TRDN: variants seen among roughly 807,000 people sequenced by gnomAD.
TRDN encodes the protein triadin in skeletal muscle.
TRDN carries 161 observed loss-of-function variants against 149.7 expected under a neutral mutation model. The observed-to-expected ratio is 1.08, with a 90% CI of 0.95 to 1.23. TRDN has a LOEUF of 1.23. Among genes scored for constraint, TRDN ranks in the 50% most tolerant of loss-of-function variants. The pLI, the probability that TRDN is intolerant of heterozygous loss-of-function variation, is 0.00. For synonymous variants in TRDN, 294 were observed against 250.5 expected (o/e 1.17, Z -1.64); for missense variants, 896 against 823.5 (o/e 1.09, Z -1.08).
At chr6:123,305,517 C>T (rs2114678674) in intron 24 of TRDN, among the ~76,000 whole-genome samples, 1 of 152,214 alleles carries the variant, frequency 6.6e-6, no homozygotes, top group South Asian at 2.1e-4. Context: ...TAATGCTAGG[C>T]AAGTTCTAAA....
At chr6:123,420,434 T>C (rs562888085) in intron 12 of TRDN, among the ~76,000 whole-genome samples, 1 of 152,152 alleles carries the variant, frequency 6.6e-6, no homozygotes, top group South Asian at 2.1e-4. Flanking sequence ...CTCAAAACAA[T>C]TAACACAAAA....
chr6:123,225,575 G>C (rs556759848), intron 38 of TRDN, among the ~76,000 whole-genome samples: 15 of 151,380 alleles, frequency 9.9e-5, no homozygotes, highest in African/African-American at 3.1e-4. Context: ...GTAACTACGT[G>C]AGGTGATGGC....
At chr6:123,505,366 G>C (rs917548578) in intron 7 of TRDN, among the ~76,000 whole-genome samples, 2 of 151,820 alleles carry the variant, frequency 1.3e-5, no homozygotes, top group African/African-American at 4.8e-5. Context: ...GTCCCATTGA[G>C]AGAATGAAAA....
chr6:123,263,092 C>A (rs543669003), intron 33 of TRDN, among the ~76,000 whole-genome samples: 65 of 152,096 alleles, frequency 4.3e-4, no homozygotes, highest in African/African-American at 1.6e-3. Flanking sequence ...TTAGGCCTCA[C>A]GTACCAAAGA....
At chr6:123,546,417 A>G (rs1282379033) in intron 4 of TRDN, among the ~76,000 whole-genome samples, 1 of 152,058 alleles carries the variant, frequency 6.6e-6, no homozygotes, top group Non-Finnish European at 1.5e-5. Context: ...TTCTCAGGGA[A>G]GGCTGAAACT....
chr6:123,259,953 C>T (rs1354855809), intron 34 of TRDN, among the ~76,000 whole-genome samples: 1 of 151,230 alleles, frequency 6.6e-6, no homozygotes. Context: ...CTTCCTCCTC[C>T]TACTTCTTTT....
At chr6:123,524,558 T>C (rs1179283264) in intron 5 of TRDN, among the ~76,000 whole-genome samples, 2 of 152,126 alleles carry the variant, frequency 1.3e-5, no homozygotes, top group South Asian at 2.1e-4. Flanking sequence ...TGGCACTACA[T>C]TGGCCATACA....
chr6:123,574,009 A>G (rs1337314740), intron 1 of TRDN, among the ~76,000 whole-genome samples: 2 of 152,070 alleles, frequency 1.3e-5, no homozygotes, highest in African/African-American at 4.8e-5. Context: ...GAGATAAATA[A>G]CATGAAATTC....
chr6:123,512,930 T>G (rs1242236329), intron 6 of TRDN, among the ~76,000 whole-genome samples: 1 of 152,174 alleles, frequency 6.6e-6, no homozygotes, highest in Non-Finnish European at 1.5e-5. Flanking sequence ...CCAACAAGAA[T>G]AGTAATAATG....
intron 1 of TRDN, among the ~76,000 whole-genome samples, chr6:123,596,318 G>A (rs1784035228): frequency 6.6e-6 from 1 of 152,030 alleles, no homozygotes; most frequent in African/African-American, 2.4e-5. Flanking sequence ...AAAGTTGGAA[G>A]GTAGCAGAGG....
chr6:123,254,249 C>T lies in TRDN; in HGVS notation c.1951+832G>A, dbSNP rs553570870. Among the ~76,000 whole-genome samples the T allele has an allele frequency of 2.6e-5, 4 of 151,828 alleles. 1 individual carries two copies. In the South Asian group the frequency reaches 6.2e-4, roughly 24 times the overall value. The stretch of plus-strand genomic sequence containing the variant: ...TATATTATTCTACAAATGTAATTGC[C>T]CTTCAATTGAAAGTTTTACCTCTTA... On this transcript the variant is annotated intron_variant, in intron 37 of 40. Transcript: ENST00000334268.
chr6:123,275,166 T>C (rs1354394179), intron 26 of TRDN, among the ~76,000 whole-genome samples: 1 of 152,022 alleles, frequency 6.6e-6, no homozygotes, highest in East Asian at 1.9e-4. Flanking sequence ...TCCCAAACAA[T>C]CTGTTGAGTC....
intron 4 of TRDN, among the ~76,000 whole-genome samples, chr6:123,546,227 G>A (rs1048258185): frequency 6.6e-6 from 1 of 152,102 alleles, no homozygotes; most frequent in Non-Finnish European, 1.5e-5. Context: ...ATTTGCAGGT[G>A]TATAAACCCT....
chr6:123,282,581 C>T (rs374076522), intron 24 of TRDN, among the ~76,000 whole-genome samples: 10 of 151,680 alleles, frequency 6.6e-5, no homozygotes, highest in Non-Finnish European at 8.8e-5. Context: ...ATCTAGAGTG[C>T]GCTAAAGCCT....
intron 5 of TRDN, among the ~76,000 whole-genome samples, chr6:123,518,055 G>A (rs1245121960): frequency 3.3e-5 from 5 of 152,038 alleles, no homozygotes; most frequent in African/African-American, 4.8e-5. Flanking sequence ...TTATCGTCTA[G>A]TTAAATTCTA....
intron 40 of TRDN, 101 bp from the exon 41 acceptor site, chr6:123,218,841 AG>A: frequency 7.7e-7 from 1 of 1,291,370 alleles, no homozygotes; most frequent in Non-Finnish European, 1.1e-6. Context: ...AGATTCTGCC[AG>A]CAGCCTCCGT....
chr6:123,617,356 A>C (rs533941673), intron 1 of TRDN, among the ~76,000 whole-genome samples: 5 of 152,330 alleles, frequency 3.3e-5, no homozygotes, highest in African/African-American at 1.2e-4. Context: ...AACAAGTCAC[A>C]GTTTGTATTT....
chr6:123,621,976 A>G (rs1785405446), intron 1 of TRDN, among the ~76,000 whole-genome samples: 1 of 152,088 alleles, frequency 6.6e-6, no homozygotes, highest in African/African-American at 2.4e-5. Context: ...AAGACAGTTG[A>G]CTCTTGAACA....
chr6:123,232,071 A>G (rs1045078435), intron 38 of TRDN, among the ~76,000 whole-genome samples: 5 of 152,036 alleles, frequency 3.3e-5, no homozygotes, highest in Non-Finnish European at 5.9e-5. Flanking sequence ...TTATCCACAA[A>G]GAAGTAGATA....
Sources: gnomAD v4.1 joint callset for allele counts (sites outside exome capture counted in the v4.1 genomes callset) on GRCh38, gnomAD v4.1.1 for gene constraint, MANE v1.5 for transcripts, NCBI Gene and HGNC (gene_info 2026-07-23, HGNC 2026-07-21) for gene names.